Variants in SV2C observed in about 807,000 individuals in gnomAD.
SV2C encodes solute carrier family 22 member B3.
Under a neutral mutation model 79.7 loss-of-function variants are expected in SV2C, and 49 were observed. The observed-to-expected ratio is 0.61, with a 90% confidence interval of 0.49 to 0.78. SV2C has a LOEUF of 0.78. Ranked by LOEUF, SV2C falls within the 30% of genes least tolerant of loss-of-function variation. The pLI is 0.00. For synonymous variants in SV2C, 334 were observed against 333.2 expected, an observed-to-expected ratio of 1.00 and a Z score of -0.03; for missense variants, 833 against 912.9, an observed-to-expected ratio of 0.91 and a Z score of 1.13.
At chr5:76,274,382 T>G (rs1406453953) in intron 4 of SV2C, among the ~76,000 whole-genome samples, 1 of 152,178 alleles carries the variant, frequency 6.6e-6, no homozygotes, top group Admixed American at 6.5e-5. Flanking sequence ...GAGTAACCAC[T>G]TTAAATAGTT....
At chr5:76,299,905 AT>A (rs777721692) in intron 10 of SV2C, among the ~76,000 whole-genome samples, 6 of 152,156 alleles carry the variant, frequency 3.9e-5, no homozygotes, top group Admixed American at 1.3e-4. Context: ...TCAAGAAAAG[AT>A]TAGCAATGAA....
At chr5:75,896,637 C>A in the SV2C span, among the ~76,000 whole-genome samples, 1 of 151,794 alleles carries the variant, frequency 6.6e-6, no homozygotes, top group African/African-American at 2.4e-5. Flanking sequence ...CCTGAGGAAT[C>A]GTCACACTGA....
At chr5:76,141,274 C>T (rs1319118957) in intron 2 of SV2C, among the ~76,000 whole-genome samples, 1 of 152,156 alleles carries the variant, frequency 6.6e-6, no homozygotes, top group Non-Finnish European at 1.5e-5. Flanking sequence ...CCTTCTGCCA[C>T]CCTGAAGGTC....
chr5:76,148,916 C>G (rs752549178), intron 2 of SV2C, among the ~76,000 whole-genome samples: 2 of 152,172 alleles, frequency 1.3e-5, no homozygotes, highest in African/African-American at 4.8e-5. Flanking sequence ...CTTTGAATGG[C>G]CTTCAAAACT....
At chr5:75,891,588 C>T in the SV2C span, among the ~76,000 whole-genome samples, 3 of 152,170 alleles carry the variant, frequency 2.0e-5, no homozygotes, top group African/African-American at 4.8e-5. Flanking sequence ...CTTTTGATCT[C>T]AAAAATGTTT....
chr5:76,325,254 A>T (rs1328475329), intron 12 of SV2C, 110 bp from the exon 13 acceptor site: 1 of 1,160,782 alleles, frequency 8.6e-7, no homozygotes, highest in Admixed American at 2.0e-5. Context: ...CTCCACTGAT[A>T]TACAACACAA....
At chr5:76,298,767 A>G in intron 9 of SV2C, 27 bp from the exon 10 acceptor site, 1 of 1,610,338 alleles carries the variant, frequency 6.2e-7, no homozygotes, top group Non-Finnish European at 8.5e-7. Context: ...TCATTGATTG[A>G]TATGAATTTT....
At chr5:76,208,626 T>A (rs1187771563) in intron 3 of SV2C, among the ~76,000 whole-genome samples, 1 of 152,236 alleles carries the variant, frequency 6.6e-6, no homozygotes, top group Non-Finnish European at 1.5e-5. Context: ...AATCAGTTAT[T>A]GCTAAATAAA....
At chr5:76,073,518 TATATATATATATATATATATATATATAC>T in the SV2C span, among the ~76,000 whole-genome samples, 45 of 117,408 alleles carry the variant, frequency 3.8e-4, no homozygotes, top group Admixed American at 1.1e-3. Flanking sequence ...TATATATATA[TATATATATATATATATATATATATATAC>T]ACCATGGAAT....
the SV2C span, among the ~76,000 whole-genome samples, chr5:75,901,730 G>A: frequency 6.6e-6 from 1 of 152,260 alleles, no homozygotes; most frequent in South Asian, 2.1e-4. Context: ...TTCAGCTGTG[G>A]TGGGTTCCAC....
intron 4 of SV2C, among the ~76,000 whole-genome samples, chr5:76,268,947 G>C (rs1046632836): frequency 1.3e-5 from 2 of 152,058 alleles, no homozygotes; most frequent in African/African-American, 4.8e-5. Context: ...AATAAAAAGG[G>C]GTCTCCTAAA....
the SV2C span, among the ~76,000 whole-genome samples, chr5:76,035,584 T>A: frequency 6.7e-6 from 1 of 148,622 alleles, no homozygotes; most frequent in Non-Finnish European, 1.5e-5. Flanking sequence ...TAATCCTGAG[T>A]TCTAGTTTGA....
At chr5:76,172,512 C>T (rs1743339099) in intron 2 of SV2C, among the ~76,000 whole-genome samples, 3 of 76,520 alleles carry the variant, frequency 3.9e-5, no homozygotes, top group Non-Finnish European at 7.6e-5. Context: ...AGTGAGGAGC[C>T]CCTCTGCCCG....
the SV2C span, among the ~76,000 whole-genome samples, chr5:75,905,869 T>G: frequency 6.6e-6 from 1 of 150,894 alleles, no homozygotes; most frequent in Non-Finnish European, 1.5e-5. Context: ...ACTTGGAACC[T>G]CAGAATGTGA....
chr5:76,223,444 CATATATATATATATATATATAT>C lies in SV2C; in HGVS notation c.913+13588_913+13609del, dbSNP rs70979384. Among the ~76,000 whole-genome samples the C allele has an allele frequency of 5.7e-3, 261 of 45,780 alleles. 5 individuals are homozygous for C. The highest frequency in any genetic ancestry group is 0.028 in the South Asian group (25 of 904). The allele number at this position is 45,780 out of a possible 152,430, so 30.0% of individuals were successfully genotyped here. A position where few individuals can be genotyped will look rare whatever the true frequency, so the allele number is the denominator to read the frequency against. The stretch of plus-strand genomic sequence containing the variant: ...CCCTGTCTCTTTATATACATACATA[CATATATATATATATATATATAT>C]ATATATATATATATATATATATATA... On this transcript the variant is annotated intron_variant, in intron 4 of 12. Transcript: ENST00000502798.
the SV2C span, among the ~76,000 whole-genome samples, chr5:76,068,253 G>A: frequency 6.6e-6 from 1 of 152,092 alleles, no homozygotes; most frequent in African/African-American, 2.4e-5. Context: ...AAAGAGTCAG[G>A]AGTGGGTGTG....
the SV2C span, among the ~76,000 whole-genome samples, chr5:76,069,829 C>G: frequency 6.8e-6 from 1 of 147,334 alleles, no homozygotes; most frequent in African/African-American, 2.5e-5. Context: ...CTCTCTCTCT[C>G]TCTCTCACAC....
At chr5:76,281,640 G>A (rs1188277497) in intron 4 of SV2C, among the ~76,000 whole-genome samples, 1 of 152,120 alleles carries the variant, frequency 6.6e-6, no homozygotes, top group African/African-American at 2.4e-5. Flanking sequence ...GTCTCCTTCT[G>A]GAGGCTCTAG....
the SV2C span, among the ~76,000 whole-genome samples, chr5:75,975,291 T>C: frequency 6.6e-6 from 1 of 152,176 alleles, no homozygotes; most frequent in Non-Finnish European, 1.5e-5. Flanking sequence ...TTTTAATATT[T>C]ATTAAATGAT....
Sources: gnomAD v4.1 joint callset for allele counts (sites outside exome capture counted in the v4.1 genomes callset) on GRCh38, gnomAD v4.1.1 for gene constraint, MANE v1.5 for transcripts, NCBI Gene and HGNC (gene_info 2026-07-23, HGNC 2026-07-21) for gene names.